IGSF11: variants seen among roughly 807,000 people sequenced by gnomAD.
The protein encoded by IGSF11 is CXADR like 1.
IGSF11 carries 22 observed loss-of-function variants against 41.0 expected under a neutral mutation model. The ratio of observed to expected loss-of-function variants is 0.54; its 90% CI spans 0.38 to 0.77. The LOEUF (loss-of-function observed/expected upper bound fraction) is 0.77, where lower values mean the gene tolerates loss of function less well. Among genes scored for constraint, IGSF11 ranks in the 30% least tolerant of loss-of-function variants. The pLI is 0.00. For missense variants in IGSF11, 444 were observed against 530.8 expected, an observed-to-expected ratio of 0.84 and a Z score of 1.61; for synonymous variants, 219 against 201.3, an observed-to-expected ratio of 1.09 and a Z score of -0.74.
At chr3:119,112,186 T>C (rs1037230913) in intron 1 of IGSF11, among the ~76,000 whole-genome samples, 2 of 152,218 alleles carry the variant, frequency 1.3e-5, no homozygotes, top group African/African-American at 4.8e-5. Context: ...GTCTGTGCCC[T>C]GCCCCCAGAG....
In IGSF11 at chr3:118,930,089, A is replaced by G. The variant is rs543118697; in HGVS notation, c.216+23T>C. 45 of 1,601,498 alleles carry G rather than the reference A, an allele frequency of 2.8e-5. No homozygotes were observed. The East Asian group carries it at 9.9e-4, about 35-fold the overall frequency. On this transcript the variant is annotated intron_variant, in intron 2 of 6. Coordinates refer to ENST00000393775, the MANE Select transcript of IGSF11 (RefSeq NM_001015887.3). Reference sequence around the variant, plus strand: ...CTGAAAAGATTAACCTTTTAGAGGTAGCACAGGATGCAACAGAAATACCTG... The same window carrying G: ...CTGAAAAGATTAACCTTTTAGAGGTGGCACAGGATGCAACAGAAATACCTG...
At chr3:119,127,377 A>C (rs2077418190) in intron 1 of IGSF11, among the ~76,000 whole-genome samples, 1 of 152,138 alleles carries the variant, frequency 6.6e-6, no homozygotes, top group Non-Finnish European at 1.5e-5. Context: ...ATGGTACTTC[A>C]TAAAATGACC....
chr3:118,959,829 C>T (rs1262180610), intron 1 of IGSF11, among the ~76,000 whole-genome samples: 4 of 151,922 alleles, frequency 2.6e-5, no homozygotes, highest in Non-Finnish European at 4.4e-5. Flanking sequence ...GGGCAGATCA[C>T]GAGGTCAGGA....
chr3:118,961,414 G>A (rs948593807), intron 1 of IGSF11, among the ~76,000 whole-genome samples: 37 of 151,920 alleles, frequency 2.4e-4, no homozygotes, highest in African/African-American at 8.7e-4. Flanking sequence ...ATACACAAAG[G>A]GGCAATTTTC....
rs1282273669 is a variant in IGSF11 at position 118,906,488 on chromosome 3, G to GCCCTAA, written c.581-776_581-771dup. Among the ~76,000 whole-genome samples, 5 of 152,318 alleles carry GCCCTAA rather than the reference G, an allele frequency of 3.3e-5. 1 individual carries two copies. Among genetic ancestry groups the GCCCTAA allele is most frequent in the East Asian group, 1.9e-4 (1 of 5,182 alleles). On this transcript the variant is annotated intron_variant, in intron 4 of 6. Transcript: ENST00000393775. ...CTTTGCAGAAATAGGCCTGCATTAG[G>GCCCTAA]CCCTAACCCTAACCCTAATTCCTCA...
intron 1 of IGSF11, among the ~76,000 whole-genome samples, chr3:119,132,949 C>A (rs1448900131): frequency 1.3e-5 from 2 of 152,142 alleles, no homozygotes; most frequent in Admixed American, 1.3e-4. Context: ...AACTGAACAA[C>A]CTTCTCCTGA....
chr3:119,121,841 TC>T (rs2077337817), intron 1 of IGSF11, among the ~76,000 whole-genome samples: 1 of 152,008 alleles, frequency 6.6e-6, no homozygotes, highest in Non-Finnish European at 1.5e-5. Flanking sequence ...GTACAAGGAA[TC>T]CTCAACAAGA....
At chr3:119,039,548 G>C (rs1404164659), upstream of IGSF11, among the ~76,000 whole-genome samples, 1 of 152,144 alleles carries the variant, frequency 6.6e-6, no homozygotes, top group Non-Finnish European at 1.5e-5. Flanking sequence ...ATATTCACAG[G>C]TTCTGGGGAT....
chr3:119,074,021 C>G (rs2076449654), intron 1 of IGSF11, among the ~76,000 whole-genome samples: 1 of 152,186 alleles, frequency 6.6e-6, no homozygotes, highest in African/African-American at 2.4e-5. Context: ...ATAAAACAAG[C>G]TCTTAGAGAC....
rs531350032 is a variant in IGSF11, at chr3:119,057,849, C to A, written c.49+47295G>T. ...CTACAACTATCTGATCTTTGACAAACCTGACAAAAACAAGCAATGGGGAAA... is the reference window on the plus strand; with the variant it reads ...CTACAACTATCTGATCTTTGACAAAACTGACAAAAACAAGCAATGGGGAAA... On this transcript the variant is annotated intron_variant, in intron 1 of 6. Transcript: ENST00000354673. Among the ~76,000 whole-genome samples the A allele has an allele frequency of 2.3e-3, 354 of 152,228 alleles. 4 individuals are homozygous for A. The highest frequency in any genetic ancestry group is 0.011 in the Admixed American group (161 of 15,294).
At chr3:119,027,845 C>A (rs965027700) in intron 1 of IGSF11, among the ~76,000 whole-genome samples, 2 of 152,108 alleles carry the variant, frequency 1.3e-5, no homozygotes, top group Admixed American at 1.3e-4. Flanking sequence ...TACACATGGG[C>A]AATATACATA....
chr3:119,120,103 A>C (rs574199097), intron 1 of IGSF11, among the ~76,000 whole-genome samples: 9 of 152,340 alleles, frequency 5.9e-5, no homozygotes, highest in African/African-American at 1.9e-4. Context: ...GGAATAAAGC[A>C]GTCTTAAAGT....
At chr3:118,968,738 T>C (rs569826869) in intron 1 of IGSF11, among the ~76,000 whole-genome samples, 2 of 152,318 alleles carry the variant, frequency 1.3e-5, no homozygotes, top group East Asian at 1.9e-4. Context: ...AAGTATACCA[T>C]TGCATTAAAA....
At chr3:119,032,270 CTGCTAT>C (rs1940476846) in intron 1 of IGSF11, among the ~76,000 whole-genome samples, 1 of 152,176 alleles carries the variant, frequency 6.6e-6, no homozygotes, top group African/African-American at 2.4e-5. Flanking sequence ...TACACCCCTC[CTGCTAT>C]TCCACATTGA....
chr3:119,130,459 C>T (rs985550144), intron 1 of IGSF11, among the ~76,000 whole-genome samples: 1 of 152,140 alleles, frequency 6.6e-6, no homozygotes, highest in African/African-American at 2.4e-5. Flanking sequence ...TCACTGCTAG[C>T]GCAGCAGTCT....
intron 1 of IGSF11, among the ~76,000 whole-genome samples, chr3:119,067,522 G>A (rs1433368703): frequency 6.6e-6 from 1 of 152,176 alleles, no homozygotes; most frequent in African/African-American, 2.4e-5. Flanking sequence ...TGTTTCCTAA[G>A]TTATCATGAG....
At chr3:118,928,815 A>T in intron 2 of IGSF11, 99 bp from the exon 3 acceptor site, 1 of 815,610 alleles carries the variant, frequency 1.2e-6, no homozygotes, top group Non-Finnish European at 1.9e-6. Flanking sequence ...TGCACCAAAC[A>T]TTGGAAAATT....
chr3:119,043,161 T>C (rs1016387438), intron 1 of IGSF11, among the ~76,000 whole-genome samples: 1 of 152,186 alleles, frequency 6.6e-6, no homozygotes, highest in African/African-American at 2.4e-5. Context: ...TTTAGCCTGA[T>C]TGTGCAGTTG....
In IGSF11 at chr3:118,973,996, G is replaced by A. The variant is rs138090316; in HGVS notation, c.53-43721C>T. 4.5e-3 allele frequency among the ~76,000 whole-genome samples: 678 copies of A among 152,216 alleles called. 4 individuals are homozygous for A. The highest frequency in any genetic ancestry group is 7.1e-3 in the Non-Finnish European group (484 of 68,004). Reference sequence around the variant, plus strand: ...GCGTCAGGATAAATAGCTATTGCACGTGGGGCTTAATGCCTAGGTGATGGG... The same window carrying A: ...GCGTCAGGATAAATAGCTATTGCACATGGGGCTTAATGCCTAGGTGATGGG... On this transcript the variant is annotated intron_variant, in intron 1 of 6. Coordinates refer to ENST00000393775, the MANE Select transcript of IGSF11 (RefSeq NM_001015887.3).
Sources: allele counts gnomAD v4.1 joint callset (sites outside exome capture counted in the v4.1 genomes callset), GRCh38; gene constraint gnomAD v4.1.1; transcripts MANE v1.5; gene names NCBI Gene and HGNC (gene_info 2026-07-23, HGNC 2026-07-21).